The following CUX2 variants were observed in gnomAD, a reference collection of about 807,000 sequenced individuals.
The protein encoded by CUX2 is homeobox protein cut-like 2.
A neutral mutation model predicts 144.8 loss-of-function variants in CUX2; 40 were observed. The ratio of observed to expected loss-of-function variants is 0.28; its 90% CI spans 0.21 to 0.36. CUX2 has a LOEUF of 0.36. Among genes scored for constraint, CUX2 ranks in the 10% least tolerant of loss-of-function variants. The probability of loss-of-function intolerance (pLI) is 1.00; values close to 1 mark genes in which losing one functional copy is unlikely to be tolerated. For synonymous variants in CUX2, 827 were observed against 875.6 expected, an observed-to-expected ratio of 0.94 and a Z score of 0.98; for missense variants, 1,615 against 1,994.0, an observed-to-expected ratio of 0.81 and a Z score of 3.62.
intron 1 of CUX2, among the ~76,000 whole-genome samples, chr12:111,119,934 T>C (rs1476437911): frequency 6.6e-6 from 1 of 152,198 alleles, no homozygotes; most frequent in Admixed American, 6.5e-5. Flanking sequence ...GGCACGCGCC[T>C]GTAATCCCAG....
Position 111,186,702 on chromosome 12 carries a change from G to A in CUX2, c.64-27498G>A, listed in dbSNP as rs535227307. On this transcript the variant is annotated intron_variant, in intron 1 of 21. Coordinates refer to ENST00000261726, the MANE Select transcript of CUX2 (RefSeq NM_015267.4). The surrounding 1 kb of genome is among the most constrained non-coding windows in gnomAD (Gnocchi z 4.4). ...TCTGAGCCTCTGTTTCCTTCTCTGC[G>A]AAGTGGAGATGGTGATGGTGCATAC... 1.1e-4 allele frequency among the ~76,000 whole-genome samples: 17 copies of A among 152,242 alleles called. No individual in the cohort carries two copies. The South Asian group carries it at 3.3e-3, about 30-fold the overall frequency.
chr12:111,091,117 C>T (rs1461037485), intron 1 of CUX2, among the ~76,000 whole-genome samples: 2 of 152,156 alleles, frequency 1.3e-5, no homozygotes, highest in Non-Finnish European at 2.9e-5. Context: ...TTTGCACATC[C>T]GTGTGCACAT....
Position 111,283,620 on chromosome 12 carries a change from T to C in CUX2, c.302-7798T>C, listed in dbSNP as rs569382290. Among the ~76,000 whole-genome samples the C allele has an allele frequency of 7.9e-5, 12 of 152,292 alleles. 1 individual carries two copies. The South Asian group carries it at 2.5e-3, about 32-fold the overall frequency. On this transcript the variant is annotated intron_variant, in intron 4 of 21. Coordinates refer to ENST00000261726, the MANE Select transcript of CUX2 (RefSeq NM_015267.4). Reference sequence around the variant, plus strand: ...TGGGGAAACTGAGGCTTGGGGACGCTAAGTGACTTTCCCTGGTGATGTTAC... The same window carrying C: ...TGGGGAAACTGAGGCTTGGGGACGCCAAGTGACTTTCCCTGGTGATGTTAC...
intron 1 of CUX2, among the ~76,000 whole-genome samples, chr12:111,095,844 A>C (rs1872782854): frequency 6.6e-6 from 1 of 152,182 alleles, no homozygotes; most frequent in Non-Finnish European, 1.5e-5. Context: ...CAACCCTTTC[A>C]ATGTCTCAAA....
rs1871620019 is a variant in CUX2 at position 111,077,758 on chromosome 12, G to A, written c.63+43518G>A. Among the ~76,000 whole-genome samples, 1 of 152,076 alleles carries A rather than the reference G, an allele frequency of 6.6e-6. No homozygotes were observed. Among genetic ancestry groups the A allele is most frequent in the Admixed American group, 6.5e-5 (1 of 15,272 alleles). ...ATTCCCACCCAGATCCCTCCTCCTG[G>A]AAGAAATTGACCAGATTATCTCCCA... On this transcript the variant is annotated intron_variant, in intron 1 of 21. Coordinates refer to ENST00000261726, the MANE Select transcript of CUX2 (RefSeq NM_015267.4). The surrounding 1 kb of genome is among the most constrained non-coding windows in gnomAD (Gnocchi z 4.1).
chr12:111,309,560 T>G (rs1886766579), intron 14 of CUX2, among the ~76,000 whole-genome samples: 1 of 151,914 alleles, frequency 6.6e-6, no homozygotes, highest in Admixed American at 6.6e-5. Flanking sequence ...GCTGGACGCC[T>G]ATAGCACTGC....
At chr12:111,125,043 T>C (rs1470455706) in intron 1 of CUX2, among the ~76,000 whole-genome samples, 2 of 152,158 alleles carry the variant, frequency 1.3e-5, no homozygotes, top group East Asian at 3.9e-4. Flanking sequence ...GAGAAGAACC[T>C]TTGCTTCTGA....
intron 1 of CUX2, among the ~76,000 whole-genome samples, chr12:111,047,336 T>TA (rs1009986119): frequency 6.6e-6 from 1 of 152,212 alleles, no homozygotes; most frequent in Admixed American, 6.5e-5. Context: ...TAGCCTTTAT[T>TA]AAAAAAGTTT....
chr12:111,110,528 C>T (rs1291690800), intron 1 of CUX2, among the ~76,000 whole-genome samples: 1 of 152,218 alleles, frequency 6.6e-6, no homozygotes. Flanking sequence ...GAGGTTAAAA[C>T]TCACATTTCA....
rs1411859567 is a variant in CUX2, at chr12:111,295,301, A to C, written c.561-32A>C. On this transcript the variant is annotated intron_variant, in intron 6 of 21. Coordinates refer to ENST00000261726, the MANE Select transcript of CUX2 (RefSeq NM_015267.4). This position sits in a 1 kb window ranked among gnomAD's most constrained non-coding sequence, Gnocchi z 5.0. The stretch of plus-strand genomic sequence containing the variant: ...GGCCCCAGGCAAGGCCTGTCCCTGC[A>C]GCCAGCACAAGCAGGCCTCGTCTCT... The C allele has an allele frequency of 1.9e-6, 3 of 1,606,162 alleles. No homozygotes were observed. The highest frequency in any genetic ancestry group is 2.5e-6 in the Non-Finnish European group (3 of 1,176,530).
chr12:111,093,510 CT>C (rs1872651853), intron 1 of CUX2, among the ~76,000 whole-genome samples: 1 of 152,016 alleles, frequency 6.6e-6, no homozygotes, highest in Non-Finnish European at 1.5e-5. Context: ...AAAAAACCCA[CT>C]TTGAGAAAGT....
chr12:111,259,031 C>CTATGTGTGTGTGTGTG (rs1351800495), intron 3 of CUX2, among the ~76,000 whole-genome samples: 10 of 132,218 alleles, frequency 7.6e-5, no homozygotes, highest in African/African-American at 2.8e-4. Flanking sequence ...CCACACCCAG[C>CTATGTGTGTGTGTGTG]TGTGTGTGTG....
rs557884358 is a variant in CUX2 at position 111,320,522 on chromosome 12, C to A, written c.2513C>A (p.Ala838Glu). ...GCCCCTGTGCCCCCCGAGGACGAGGCGGCGGCAGGGGCGGAGGACGAACCC... is the reference window on the plus strand; with the variant it reads ...GCCCCTGTGCCCCCCGAGGACGAGGAGGCGGCAGGGGCGGAGGACGAACCC... ...DEAPVPPEDE[A>E]AAGAEDEPPR... Residue 838 changes from alanine (A) to glutamate (E), a missense_variant, in exon 17 of 22, where the codon GCG becomes GAG. Ala to Glu is a moderately radical substitution (Grantham distance 107). Transcript: ENST00000261726. The surrounding 1 kb of genome is among the most constrained non-coding windows in gnomAD (Gnocchi z 8.1). 8 of 1,565,338 alleles carry A rather than the reference C, an allele frequency of 5.1e-6. No individual in the cohort carries two copies. Among genetic ancestry groups the A allele is most frequent in the Non-Finnish European group, 6.9e-6 (8 of 1,161,868 alleles).
intron 1 of CUX2, among the ~76,000 whole-genome samples, chr12:111,127,154 A>T (rs946951037): frequency 6.6e-6 from 1 of 152,266 alleles, no homozygotes; most frequent in Admixed American, 6.5e-5. Context: ...CATGAAAATT[A>T]CAGTCCTCAG....
At chr12:111,112,327 G>A (rs1248991022) in intron 1 of CUX2, among the ~76,000 whole-genome samples, 1 of 152,212 alleles carries the variant, frequency 6.6e-6, no homozygotes, top group Non-Finnish European at 1.5e-5. Flanking sequence ...TTGCAAAGAA[G>A]CCGAACCTGG....
intron 1 of CUX2, among the ~76,000 whole-genome samples, chr12:111,065,056 A>G (rs150895671): frequency 9.6e-4 from 146 of 152,334 alleles, no homozygotes; most frequent in African/African-American, 3.3e-3. Context: ...GATCTATGGT[A>G]GACCAGTTCC....
intron 1 of CUX2, among the ~76,000 whole-genome samples, chr12:111,053,888 C>T (rs554883540): frequency 6.6e-6 from 1 of 152,244 alleles, no homozygotes; most frequent in Non-Finnish European, 1.5e-5. Context: ...GGCGCAGTGG[C>T]TCACGCCTGT....
chr12:111,295,719 A>ACCAG lies in CUX2; in HGVS notation c.637+313_637+316dup. Among the ~76,000 whole-genome samples the ACCAG allele has an allele frequency of 6.6e-6, 1 of 151,656 alleles. No homozygotes were observed. Among genetic ancestry groups the ACCAG allele is most frequent in the Non-Finnish European group, 1.5e-5 (1 of 67,952 alleles). On this transcript the variant is annotated intron_variant, in intron 7 of 21. Coordinates refer to ENST00000261726, the MANE Select transcript of CUX2 (RefSeq NM_015267.4). This position sits in a 1 kb window ranked among gnomAD's most constrained non-coding sequence, Gnocchi z 5.0. ...GGTCGCTTGAACCCCAGAGTTTGAG[A>ACCAG]CCAGCCTGGGCAACATGGCAAGACC... is the stretch of plus-strand genomic sequence containing the variant.
intron 18 of CUX2, among the ~76,000 whole-genome samples, chr12:111,330,702 T>C (rs1313220790): frequency 0.054 from 885 of 16,386 alleles, 114 homozygotes; most frequent in African/African-American, 0.18. Flanking sequence ...TATATATATA[T>C]ATATATATAT....
Sources: allele counts gnomAD v4.1 joint callset (sites outside exome capture counted in the v4.1 genomes callset), GRCh38; gene constraint gnomAD v4.1.1; non-coding constraint Gnocchi (gnomAD v3.1); transcripts MANE v1.5; gene names NCBI Gene and HGNC (gene_info 2026-07-23, HGNC 2026-07-21).